Variants in N4BP2L2 observed in about 807,000 individuals in gnomAD.
N4BP2L2 encodes the protein NEDD4 binding protein 2 like 2, also known as NEDD4-binding protein 2-like 2.
In N4BP2L2, 50 loss-of-function variants were observed where a neutral mutation model predicts 56.2. The ratio of observed to expected loss-of-function variants is 0.89; its 90% CI spans 0.71 to 1.13. The LOEUF (loss-of-function observed/expected upper bound fraction) is 1.13, where lower values mean the gene tolerates loss of function less well. N4BP2L2 is among the 50% of genes most tolerant of loss of function. The pLI, the probability that N4BP2L2 is intolerant of heterozygous loss-of-function variation, is 0.00. For synonymous variants in N4BP2L2, 203 were observed against 223.6 expected (o/e 0.91, Z 0.82); for missense variants, 689 against 693.8 (o/e 0.99, Z 0.08).
At chr13:32,436,284 G>A (rs1384276456) in intron 9 of N4BP2L2, 4 of 665,402 alleles carry the variant, frequency 6.0e-6, no homozygotes, top group Non-Finnish European at 9.8e-6. Context: ...TAATACATAT[G>A]AGCTATTACA....
intron 6 of N4BP2L2, chr13:32,444,172 A>G (rs148623900): frequency 7.6e-5 from 104 of 1,371,684 alleles, no homozygotes; most frequent in Non-Finnish European, 1.1e-5. Flanking sequence ...AATTACATGT[A>G]TAACATAAGC....
At position 32,518,010 on chromosome 13, in the gene N4BP2L2, AAAAAG is replaced by A. The variant is rs748217478; in HGVS notation, c.1551-12_1551-8del. 21 of 1,611,604 alleles carry A rather than the reference AAAAAG, an allele frequency of 1.3e-5. No homozygotes were observed. The highest frequency in any genetic ancestry group is 1.7e-5 in the Non-Finnish European group (20 of 1,179,418). On this transcript the variant is annotated splice_region_variant and splice_polypyrimidine_tract_variant and intron_variant, in intron 5 of 5. Transcript: ENST00000267068. ...CACACCATGTTTATTCCTCCTAACA[AAAAAG>A]AAAAGGATTGTAAATCTTTGTTGCA... is the stretch of plus-strand genomic sequence containing the variant.
intron 3 of N4BP2L2, chr13:32,523,390 CAA>C (rs35751545): frequency 6.2e-5 from 8 of 128,434 alleles, no homozygotes; most frequent in Non-Finnish European, 6.4e-5. Context: ...GACTCTGTCT[CAA>C]AAAAAAAAAA....
At chr13:32,461,139 G>C (rs1175644790) in intron 6 of N4BP2L2, among the ~76,000 whole-genome samples, 1 of 152,074 alleles carries the variant, frequency 6.6e-6, no homozygotes, top group Non-Finnish European at 1.5e-5. Context: ...TGGATTAAAG[G>C]CCTAAGCATA....
Position 32,500,544 on chromosome 13 carries a change from T to TGCA in N4BP2L2, c.365+17312_365+17313insTGC, listed in dbSNP as rs201197139. On this transcript the variant is annotated intron_variant, in intron 6 of 9. Coordinates refer to the N4BP2L2 transcript ENST00000357505. ...GACTAGCCTGTAGAGATCCTGTCTC[T>TGCA]ACAAAAAAAAAAAAAAAAAAAAAAA... Among the ~76,000 whole-genome samples, 120 of 71,518 alleles carry TGCA rather than the reference T, an allele frequency of 1.7e-3. 4 individuals carry two copies. The highest frequency in any genetic ancestry group is 6.5e-3 in the African/African-American group (111 of 17,046). The allele number at this position is 71,518 out of a possible 152,430, so 46.9% of individuals were successfully genotyped here.
rs550255084 is a variant in N4BP2L2, at chr13:32,520,003, C to G, written c.1550+1370G>C. ...CCACCTCAGGTATGATACACACACACAGCTAGGCAGGCAAAAAATATCAGA... is the reference window on the plus strand; with the variant it reads ...CCACCTCAGGTATGATACACACACAGAGCTAGGCAGGCAAAAAATATCAGA... On this transcript the variant is annotated intron_variant, in intron 5 of 5. Transcript: ENST00000267068. Among the ~76,000 whole-genome samples the G allele has an allele frequency of 2.4e-3, 371 of 152,262 alleles. 1 individual carries two copies. The highest frequency in any genetic ancestry group is 8.0e-3 in the African/African-American group (333 of 41,546).
At chr13:32,452,062 T>C (rs552529257) in intron 6 of N4BP2L2, among the ~76,000 whole-genome samples, 1 of 64,542 alleles carries the variant, frequency 1.5e-5, no homozygotes, top group South Asian at 6.4e-4. Context: ...TTTTTCTTTT[T>C]CTTTTTTTTT....
At chr13:32,457,144 C>CAAA (rs1313171167) in intron 6 of N4BP2L2, among the ~76,000 whole-genome samples, 6 of 151,958 alleles carry the variant, frequency 3.9e-5, no homozygotes, top group African/African-American at 1.2e-4. Context: ...ATCTCAAAAA[C>CAAA]AACAACAACA....
At chr13:32,523,148 T>C (rs964652823) in intron 3 of N4BP2L2, 4 of 152,176 alleles carry the variant, frequency 2.6e-5, no homozygotes, top group Non-Finnish European at 4.4e-5. Flanking sequence ...CCCAGCACTT[T>C]GGGAGGCCAA....
intron 6 of N4BP2L2, among the ~76,000 whole-genome samples, chr13:32,476,270 T>G (rs1429418850): frequency 1.3e-5 from 2 of 152,130 alleles, no homozygotes; most frequent in African/African-American, 2.4e-5. Flanking sequence ...TGGGCACAAG[T>G]TAACAGGGTA....
At chr13:32,517,682 G>A in exon 6 of N4BP2L2, 1 of 1,428,200 alleles carries the variant, frequency 7.0e-7, no homozygotes, top group Non-Finnish European at 9.1e-7. Flanking sequence ...ACAACTTGCT[G>A]GGAACATCCT....
intron 6 of N4BP2L2, among the ~76,000 whole-genome samples, chr13:32,482,452 C>T (rs1231888876): frequency 1.3e-5 from 2 of 152,148 alleles, no homozygotes; most frequent in Non-Finnish European, 2.9e-5. Flanking sequence ...ATCTCTGCCT[C>T]CTGGGTTCAA....
At chr13:32,518,144 G>T in intron 5 of N4BP2L2, 141 bp from the exon 6 acceptor site, 2 of 780,524 alleles carry the variant, frequency 2.6e-6, no homozygotes, top group Non-Finnish European at 3.8e-6. Flanking sequence ...CACATTTTAT[G>T]TAAAAAGACT....
chr13:32,521,304 G>T, intron 5 of N4BP2L2, 69 bp downstream of exon 5: 1 of 1,191,686 alleles, frequency 8.4e-7, no homozygotes, highest in Non-Finnish European at 1.2e-6. Flanking sequence ...AATAAACTGT[G>T]AAAGGATGTC....
intron 6 of N4BP2L2, chr13:32,477,802 C>A: frequency 8.5e-7 from 1 of 1,178,446 alleles, no homozygotes; most frequent in South Asian, 1.3e-5. Context: ...AAGAGGTATA[C>A]AGCTGAGAAA....
chr13:32,529,708 T>C (rs1364319921), intron 2 of N4BP2L2, among the ~76,000 whole-genome samples: 1 of 151,822 alleles, frequency 6.6e-6, no homozygotes, highest in East Asian at 1.9e-4. Context: ...ATTACTTTAT[T>C]AGCAGGTCAT....
chr13:32,525,877 A>C (rs1372742863), intron 3 of N4BP2L2, among the ~76,000 whole-genome samples: 1 of 152,132 alleles, frequency 6.6e-6, no homozygotes, highest in Non-Finnish European at 1.5e-5. Context: ...GAATGAAATA[A>C]CTGACTCAGG....
chr13:32,467,446 T>C (rs796141220), intron 6 of N4BP2L2, among the ~76,000 whole-genome samples: 1 of 151,484 alleles, frequency 6.6e-6, no homozygotes, highest in Admixed American at 6.6e-5. Context: ...TTAGTAGAGA[T>C]GTATTTAGTA....
At chr13:32,474,024 T>C (rs888372463) in intron 6 of N4BP2L2, among the ~76,000 whole-genome samples, 12 of 152,216 alleles carry the variant, frequency 7.9e-5, no homozygotes, top group Admixed American at 4.6e-4. Context: ...ATTTGAATTA[T>C]TATAGAATTT....
Sources: gnomAD v4.1 joint callset for allele counts (sites outside exome capture counted in the v4.1 genomes callset) on GRCh38, gnomAD v4.1.1 for gene constraint, MANE v1.5 for transcripts, NCBI Gene and HGNC (gene_info 2026-07-23, HGNC 2026-07-21) for gene names.